BCLAF1: variants seen among roughly 807,000 people sequenced by gnomAD.
The protein encoded by BCLAF1 is bcl-2-associated transcription factor 1.
A neutral mutation model predicts 99.5 loss-of-function variants in BCLAF1; 10 were observed. That is an observed-to-expected ratio of 0.10 (90% confidence interval 0.06 to 0.17). BCLAF1 has a LOEUF of 0.17. Among genes scored for constraint, BCLAF1 ranks in the 10% least tolerant of loss-of-function variants. The pLI is 1.00. For synonymous variants in BCLAF1, 255 were observed against 370.9 expected, an observed-to-expected ratio of 0.69 and a Z score of 3.59; for missense variants, 636 against 1,105.8, an observed-to-expected ratio of 0.58 and a Z score of 6.02.
chr6:136,273,422 A>T (rs1782825744), intron 6 of BCLAF1: 1 of 419,966 alleles, frequency 2.4e-6, no homozygotes, highest in Non-Finnish European at 4.3e-6. Context: ...AAGAGCAATT[A>T]ATAGATTAAA....
chr6:136,258,723 C>T lies in BCLAF1; in HGVS notation c.*2387G>A, dbSNP rs1041411589. The T allele has an allele frequency of 1.3e-5, 2 of 152,394 alleles. No individual in the cohort carries two copies. The highest frequency in any genetic ancestry group is 4.8e-5 in the African/African-American group (2 of 41,396). The allele number at this position is 152,394 out of a possible 1,614,324, so 9.4% of individuals were successfully genotyped here. A position where few individuals can be genotyped will look rare whatever the true frequency, so the allele number is the denominator to read the frequency against. ...GTAATATTTTTCTCAAATTATAATT[C>T]CCAACACTGATTTTACCTGTGACAA... On this transcript the variant is annotated 3_prime_UTR_variant, in exon 13 of 13. Transcript: ENST00000531224.
chr6:136,280,848 T>C (rs933748577), intron 2 of BCLAF1, among the ~76,000 whole-genome samples: 3 of 152,212 alleles, frequency 2.0e-5, no homozygotes, highest in East Asian at 1.9e-4. Context: ...TTTTGCTGCA[T>C]AGAACTATTT....
chr6:136,276,894 G>C (rs1235027885), intron 4 of BCLAF1, among the ~76,000 whole-genome samples: 1 of 152,022 alleles, frequency 6.6e-6, no homozygotes, highest in Non-Finnish European at 1.5e-5. Flanking sequence ...CAAAATTCCA[G>C]ATATTATCTA....
intron 7 of BCLAF1, 65 bp from the exon 8 acceptor site, chr6:136,272,144 C>T (rs1188295144): frequency 7.1e-6 from 8 of 1,123,942 alleles, no homozygotes; most frequent in Admixed American, 2.3e-5. Context: ...AACATCCACA[C>T]GATTATCCAT....
At chr6:136,265,411 A>G (rs1584015954) in intron 11 of BCLAF1, among the ~76,000 whole-genome samples, 1 of 151,762 alleles carries the variant, frequency 6.6e-6, no homozygotes, top group East Asian at 1.9e-4. Flanking sequence ...CTCACTACCA[A>G]CTCCCTGAAT....
intron 3 of BCLAF1, among the ~76,000 whole-genome samples, chr6:136,279,157 G>T (rs1277862326): frequency 6.6e-6 from 1 of 151,968 alleles, no homozygotes; most frequent in Non-Finnish European, 1.5e-5. Flanking sequence ...TGGGGGAAAA[G>T]ATTACAAAAA....
intron 6 of BCLAF1, chr6:136,274,301 TA>T (rs5880289): frequency 2.8e-3 from 510 of 183,116 alleles, no homozygotes; most frequent in South Asian, 8.1e-3. Flanking sequence ...ACAGTTCTTT[TA>T]AAAAAAAAAA....
chr6:136,287,963 T>C (rs1160649763), intron 1 of BCLAF1, among the ~76,000 whole-genome samples: 1 of 152,192 alleles, frequency 6.6e-6, no homozygotes, highest in Non-Finnish European at 1.5e-5. Flanking sequence ...GAGGCTGCAG[T>C]GAGCCGAGAC....
chr6:136,272,133 A>G, intron 7 of BCLAF1, 54 bp from the exon 8 acceptor site: 1 of 1,239,792 alleles, frequency 8.1e-7, no homozygotes, highest in Admixed American at 2.1e-5. Flanking sequence ...TTTGGTTCAA[A>G]AACATCCACA....
intron 1 of BCLAF1, among the ~76,000 whole-genome samples, chr6:136,288,611 G>C (rs536415644): frequency 4.1e-4 from 61 of 150,206 alleles, no homozygotes; most frequent in African/African-American, 1.5e-3. Flanking sequence ...TTTTTCGTCA[G>C]TGTTAGCCAC....
chr6:136,284,158 A>ATATATATATATC (rs1421101274), intron 1 of BCLAF1, among the ~76,000 whole-genome samples: 105 of 144,004 alleles, frequency 7.3e-4, no homozygotes, highest in African/African-American at 2.3e-3. Context: ...ATATATATAT[A>ATATATATATATC]TCCAGAGAAG....
chr6:136,264,342 G>C (rs571035088), intron 11 of BCLAF1, among the ~76,000 whole-genome samples: 1 of 152,038 alleles, frequency 6.6e-6, no homozygotes, highest in Non-Finnish European at 1.5e-5. Flanking sequence ...GAGTAGTTGG[G>C]ACTACAGGCA....
chr6:136,268,865 A>G (rs1355902913), intron 9 of BCLAF1, among the ~76,000 whole-genome samples: 2 of 151,976 alleles, frequency 1.3e-5, no homozygotes, highest in Non-Finnish European at 2.9e-5. Context: ...AAGATTATCT[A>G]TAATACTTTG....
chr6:136,280,010 T>C (rs1233448638), intron 2 of BCLAF1, 134 bp from the exon 3 acceptor site: 1 of 1,089,210 alleles, frequency 9.2e-7, no homozygotes, highest in African/African-American at 1.6e-5. Flanking sequence ...CCTTTTCAAA[T>C]CAGTATTCAG....
At chr6:136,266,081 A>G (rs929629950) in intron 11 of BCLAF1, among the ~76,000 whole-genome samples, 1 of 152,138 alleles carries the variant, frequency 6.6e-6, no homozygotes, top group Non-Finnish European at 1.5e-5. Flanking sequence ...ACATGCCAAA[A>G]AAGAGGCAAA....
intron 11 of BCLAF1, 131 bp downstream of exon 11, chr6:136,266,898 T>G: frequency 1.7e-6 from 2 of 1,190,850 alleles, no homozygotes; most frequent in Non-Finnish European, 2.3e-6. Flanking sequence ...GTCTGGGTAA[T>G]TATTTTAAAA....
chr6:136,278,810 TA>T (rs1562260363), intron 3 of BCLAF1, 34 bp from the exon 4 acceptor site: 1 of 1,464,472 alleles, frequency 6.8e-7, no homozygotes, highest in East Asian at 2.3e-5. Flanking sequence ...GCAAGAAAAA[TA>T]AAGTATTCCA....
intron 1 of BCLAF1, among the ~76,000 whole-genome samples, chr6:136,285,270 A>G (rs1358814614): frequency 1.3e-5 from 2 of 152,266 alleles, no homozygotes; most frequent in African/African-American, 4.8e-5. Flanking sequence ...TGGTTTGTCA[A>G]AATGACTTGT....
At chr6:136,275,269 A>C (rs1783120304) in intron 6 of BCLAF1, among the ~76,000 whole-genome samples, 1 of 152,098 alleles carries the variant, frequency 6.6e-6, no homozygotes. Context: ...CATTCAACAA[A>C]TCTACATCAT....
Sources: gnomAD v4.1 joint callset for allele counts (sites outside exome capture counted in the v4.1 genomes callset) on GRCh38, gnomAD v4.1.1 for gene constraint, MANE v1.5 for transcripts, NCBI Gene and HGNC (gene_info 2026-07-23, HGNC 2026-07-21) for gene names.